TBKBP1: variants seen among roughly 807,000 people sequenced by gnomAD.
TBKBP1 encodes TANK-binding kinase 1-binding protein 1.
In TBKBP1, 47 loss-of-function variants were observed where a neutral mutation model predicts 69.9. The observed-to-expected ratio is 0.67, with a 90% confidence interval of 0.53 to 0.86. The LOEUF (loss-of-function observed/expected upper bound fraction) is 0.86, where lower values mean the gene tolerates loss of function less well. Among genes scored for constraint, TBKBP1 ranks in the 40% least tolerant of loss-of-function variants. The probability of loss-of-function intolerance (pLI) is 0.00; values close to 1 mark genes in which losing one functional copy is unlikely to be tolerated. For synonymous variants in TBKBP1, 418 were observed against 390.3 expected (o/e 1.07, Z -0.84); for missense variants, 831 against 858.6 (o/e 0.97, Z 0.40).
In TBKBP1 at chr17:47,696,769, A is replaced by G; in HGVS notation, c.284A>G (p.Asp95Gly). 1 of 1,613,972 alleles carries G rather than the reference A, an allele frequency of 6.2e-7. No homozygotes were observed. Among genetic ancestry groups the G allele is most frequent in the Non-Finnish European group, 8.5e-7 (1 of 1,179,866 alleles). The change falls in exon 3 of 10, where the codon GAT becomes GGT. Residue 95 changes from aspartate (D) to glycine (G), a missense_variant. Asp to Gly is a moderately conservative substitution (Grantham distance 94, BLOSUM62 -1). Transcript: ENST00000578982. ...EHGFSLYEIKDGSLLEVEKVS... is the reference protein window; with the variant it reads ...EHGFSLYEIKGGSLLEVEKVS... ...GGCTTTTCTCTGTATGAAATCAAGG[A>G]TGGCTCCCTGCTGGAGGTGGAGAAG...
intron 7 of TBKBP1, 104 bp downstream of exon 7, chr17:47,699,801 C>A: frequency 7.6e-7 from 1 of 1,317,240 alleles, no homozygotes; most frequent in Non-Finnish European, 1.1e-6. Context: ...TGTGTGCATC[C>A]TTCATAGGAA....
intron 7 of TBKBP1, among the ~76,000 whole-genome samples, chr17:47,702,882 G>A (rs1308729044): frequency 2.0e-5 from 3 of 151,636 alleles, no homozygotes; most frequent in African/African-American, 7.3e-5. Flanking sequence ...GGTGGAAGGC[G>A]CAGCACCCAC....
intron 7 of TBKBP1, among the ~76,000 whole-genome samples, chr17:47,707,738 T>G (rs1019617616): frequency 6.6e-6 from 1 of 152,126 alleles, no homozygotes; most frequent in Non-Finnish European, 1.5e-5. Flanking sequence ...GAGGCAGCTT[T>G]GAGGTCGAGC....
In TBKBP1 at chr17:47,710,709, TG is replaced by T. The variant is rs1270531541; in HGVS notation, c.*89del. On this transcript the variant is annotated 3_prime_UTR_variant, in exon 10 of 10. Transcript: ENST00000578982. ...CACTTTGAATGCTGCATGAATCTCG[TG>T]GGGGGTCCCTGCCCTTGCGACCCCC... 1 of 1,529,438 alleles carries T rather than the reference TG, an allele frequency of 6.5e-7. No homozygotes were observed. Among genetic ancestry groups the T allele is most frequent in the Non-Finnish European group, 8.9e-7 (1 of 1,128,940 alleles). 94.7% of individuals were successfully genotyped at this position (1,529,438 alleles called of 1,614,324 possible). A position where few individuals can be genotyped will look rare whatever the true frequency, so the allele number is the denominator to read the frequency against.
intron 9 of TBKBP1, among the ~76,000 whole-genome samples, chr17:47,710,216 C>T (rs1208856189): frequency 1.3e-5 from 2 of 152,202 alleles, no homozygotes; most frequent in African/African-American, 2.4e-5. Context: ...CTGTCTTAGT[C>T]ACTCTGGGGG....
Position 47,699,452 on chromosome 17 carries a change from GGCTGCAGGGGGAGCTGAAGCA to G in TBKBP1, c.776_796del (p.Gly259_Gln265del), listed in dbSNP as rs2031400206. 4 of 1,570,158 alleles carry G rather than the reference GGCTGCAGGGGGAGCTGAAGCA, an allele frequency of 2.5e-6. No individual in the cohort carries two copies. The highest frequency in any genetic ancestry group is 3.5e-6 in the Non-Finnish European group (4 of 1,159,344). On this transcript the variant is annotated inframe_deletion, in exon 6 of 10. Transcript: ENST00000578982. Reference sequence around the variant, plus strand: ...GAGCAGCTCCAGGCCGAGTGCGAGCGGCTGCAGGGGGAGCTGAAGCAGCTGCAGGAGACCCGGGCCCAGGTA... The same window carrying G: ...GAGCAGCTCCAGGCCGAGTGCGAGCGGCTGCAGGAGACCCGGGCCCAGGTA...
chr17:47,698,090 G>A (rs1597956001), intron 4 of TBKBP1, among the ~76,000 whole-genome samples: 1 of 152,234 alleles, frequency 6.6e-6, no homozygotes, highest in East Asian at 1.9e-4. Flanking sequence ...GTTGTGGTGA[G>A]GGTGATGGGG....
At chr17:47,701,914 C>T (rs1464694209) in intron 7 of TBKBP1, among the ~76,000 whole-genome samples, 3 of 152,216 alleles carry the variant, frequency 2.0e-5, no homozygotes, top group Non-Finnish European at 2.9e-5. Context: ...CTGGCTCCTC[C>T]CCTCCTTCCC....
chr17:47,710,443 T>TG (rs1397196653), intron 9 of TBKBP1, 55 bp from the exon 10 acceptor site: 2 of 1,576,374 alleles, frequency 1.3e-6, no homozygotes, highest in Admixed American at 3.4e-5. Context: ...GGCTGGGATG[T>TG]GGGGACCATG....
rs556593624 is a variant in TBKBP1, at chr17:47,708,115, C to G, written c.873-279C>G. On this transcript the variant is annotated intron_variant, in intron 7 of 9. Transcript: ENST00000578982. This position sits in a 1 kb window ranked among gnomAD's most constrained non-coding sequence, Gnocchi z 4.4. ...GCCTGATGCAGGGATTCAGGGAGCC[C>G]TTGGAATCTCTCTGCTCCCTGTCCC... 6.6e-6 allele frequency among the ~76,000 whole-genome samples: 1 copy of G among 152,208 alleles called. No individual in the cohort carries two copies. Among genetic ancestry groups the G allele is most frequent in the African/African-American group, 2.4e-5 (1 of 41,456 alleles).
rs536325111 is a variant in TBKBP1 at position 47,709,463 on chromosome 17, C to T, written c.1719+11C>T. 1.5e-5 allele frequency: 23 copies of T among 1,507,182 alleles called. No individual in the cohort carries two copies. Among genetic ancestry groups the T allele is most frequent in the African/African-American group, 8.6e-5 (6 of 70,080 alleles). The allele number at this position is 1,507,182 out of a possible 1,614,324, so 93.4% of individuals were successfully genotyped here. On this transcript the variant is annotated intron_variant, in intron 9 of 9. Transcript: ENST00000578982. Reference sequence around the variant, plus strand: ...TGGCCGTCCATCAACGTGAGTGGGGCGCCCGCGTTCCGCCCACCCCGGACC... The same window carrying T: ...TGGCCGTCCATCAACGTGAGTGGGGTGCCCGCGTTCCGCCCACCCCGGACC...
chr17:47,697,004 G>C (rs371530891), intron 3 of TBKBP1, 85 bp from the exon 4 acceptor site: 4 of 1,519,874 alleles, frequency 2.6e-6, no homozygotes, highest in African/African-American at 1.4e-5. Context: ...TGCTGGGAGT[G>C]GGGGTGGGGA....
Position 47,708,865 on chromosome 17 carries a change from C to T in TBKBP1, c.1132C>T (p.Pro378Ser). The stretch of plus-strand genomic sequence containing the variant: ...GCGCCGCTCTCCCGTGCCCCCGTGC[C>T]CCTCGCCGCAGCAGCGCCGCTCTCC... ...PQRRSPVPPC[P>S]SPQQRRSPAS... The change falls in exon 9 of 10, where the codon CCC (proline) becomes TCC (serine). Residue 378 changes from proline (P) to serine (S), a missense_variant. By Grantham distance (74) the Pro-to-Ser change is moderately conservative. Coordinates refer to ENST00000578982, the MANE Select transcript of TBKBP1 (RefSeq NM_001394755.1). This position sits in a 1 kb window ranked among gnomAD's most constrained non-coding sequence, Gnocchi z 4.4. The T allele has an allele frequency of 7.0e-7, 1 of 1,424,486 alleles. No individual in the cohort carries two copies. Among genetic ancestry groups the T allele is most frequent in the Non-Finnish European group, 9.1e-7 (1 of 1,093,972 alleles). 88.2% of individuals were successfully genotyped at this position (1,424,486 alleles called of 1,614,324 possible).
intron 2 of TBKBP1, 83 bp from the exon 3 acceptor site, chr17:47,696,628 T>C: frequency 6.2e-7 from 1 of 1,600,864 alleles, no homozygotes; most frequent in Non-Finnish European, 8.5e-7. Flanking sequence ...CTGAGGCAGG[T>C]TGTGGGTTGG....
chr17:47,711,061 C>T lies in TBKBP1; in HGVS notation c.*435C>T, dbSNP rs61740428. On this transcript the variant is annotated 3_prime_UTR_variant, in exon 10 of 10. Coordinates refer to ENST00000578982, the MANE Select transcript of TBKBP1 (RefSeq NM_001394755.1). ...CTCAGACGGGGCTCTGTCTGGGGAG[C>T]ACCCACAGGCTGCCTTTGGGGTCCC... 0.013 allele frequency: 1,962 copies of T among 155,914 alleles called. 21 individuals are homozygous for T. The highest frequency in any genetic ancestry group is 0.02 in the Non-Finnish European group (1,400 of 70,328). The allele number at this position is 155,914 out of a possible 1,614,324, so 9.7% of individuals were successfully genotyped here.
intron 9 of TBKBP1, among the ~76,000 whole-genome samples, chr17:47,709,820 AT>A (rs1486593822): frequency 4.6e-5 from 7 of 152,252 alleles, no homozygotes; most frequent in Admixed American, 4.6e-4. Flanking sequence ...GACAATGATT[AT>A]AGTATCTGAC....
rs1255209704 is a variant in TBKBP1 at position 47,696,197 on chromosome 17, G to T, written c.85G>T (p.Asp29Tyr). The stretch of plus-strand genomic sequence containing the variant: ...TGAGGTGTGGCTGGACAGTCCCGGA[G>T]ACCCCTCGCTTGGGGGCGACATGTG... ...PSEVWLDSPG[D>Y]PSLGGDMCSA... The change falls in exon 2 of 10, where the codon GAC becomes TAC. Residue 29 changes from aspartate (D) to tyrosine (Y), a missense_variant. Transcript: ENST00000578982. 1 of 1,613,618 alleles carries T rather than the reference G, an allele frequency of 6.2e-7. No individual in the cohort carries two copies. Among genetic ancestry groups the T allele is most frequent in the Non-Finnish European group, 8.5e-7 (1 of 1,179,868 alleles).
chr17:47,710,263 G>T (rs901174344), intron 9 of TBKBP1, among the ~76,000 whole-genome samples: 2 of 152,170 alleles, frequency 1.3e-5, no homozygotes, highest in African/African-American at 2.4e-5. Flanking sequence ...TACCACAGAT[G>T]CCCTGGCAAG....
chr17:47,698,213 A>C (rs1230236710), intron 4 of TBKBP1, among the ~76,000 whole-genome samples: 1 of 152,090 alleles, frequency 6.6e-6, no homozygotes, highest in Non-Finnish European at 1.5e-5. Context: ...TAATTCTCAA[A>C]ACAACCCTAA....
Sources: gnomAD v4.1 joint callset for allele counts (sites outside exome capture counted in the v4.1 genomes callset) on GRCh38, gnomAD v4.1.1 for gene constraint, Gnocchi (gnomAD v3.1) non-coding constraint, MANE v1.5 for transcripts, NCBI Gene and HGNC (gene_info 2026-07-23, HGNC 2026-07-21) for gene names.